Variants in LYZL1 observed in about 807,000 individuals in gnomAD.
LYZL1 encodes the protein lysozyme-like protein 1.
In LYZL1, 16 loss-of-function variants were observed where a neutral mutation model predicts 17.9. The observed-to-expected ratio is 0.90, with a 90% CI of 0.61 to 1.36. The LOEUF is 1.36. LYZL1 is among the 40% of genes most tolerant of loss of function. The probability of loss-of-function intolerance (pLI) is 0.00; values close to 1 mark genes in which losing one functional copy is unlikely to be tolerated. For synonymous variants in LYZL1, 58 were observed against 71.8 expected (o/e 0.81, Z 0.97); for missense variants, 149 against 188.4 (o/e 0.79, Z 1.22).
chr10:29,295,007 G>A (rs554085099), intron 3 of LYZL1, among the ~76,000 whole-genome samples: 10 of 152,322 alleles, frequency 6.6e-5, no homozygotes, highest in African/African-American at 2.4e-4. Context: ...AACCACTGCT[G>A]AGTGTAAATG....
At chr10:29,314,654 A>G (rs551468273), downstream of LYZL1, among the ~76,000 whole-genome samples, 1 of 152,306 alleles carries the variant, frequency 6.6e-6, no homozygotes, top group Admixed American at 6.5e-5. Context: ...GGTTTTTTGT[A>G]CCACTGGACA....
chr10:29,307,136 G>A (rs11007518), intron 3 of LYZL1, among the ~76,000 whole-genome samples: 46,078 of 151,948 alleles, frequency 0.3, 7,232 homozygotes, highest in South Asian at 0.43. Flanking sequence ...TTACAGACAT[G>A]AGCTACTGTG....
chr10:29,316,358 A>T (rs1835729598), intron 3 of LYZL1, among the ~76,000 whole-genome samples: 2 of 152,232 alleles, frequency 1.3e-5, no homozygotes, highest in African/African-American at 4.8e-5. Context: ...CTCCAGTAAC[A>T]GGAGAAAGAG....
downstream of LYZL1, among the ~76,000 whole-genome samples, chr10:29,312,123 G>T (rs1835680677): frequency 6.6e-6 from 1 of 152,202 alleles, no homozygotes; most frequent in Admixed American, 6.5e-5. Flanking sequence ...AACATAGCAA[G>T]ACCCTGTCTC....
intron 1 of LYZL1, among the ~76,000 whole-genome samples, chr10:29,290,368 G>C (rs1034207690): frequency 6.6e-6 from 1 of 152,194 alleles, no homozygotes; most frequent in Non-Finnish European, 1.5e-5. Context: ...TCCCATTTCA[G>C]ATGATTCCGC....
chr10:29,299,887 G>A (rs1401199598), intron 3 of LYZL1, among the ~76,000 whole-genome samples: 1 of 152,170 alleles, frequency 6.6e-6, no homozygotes, highest in Non-Finnish European at 1.5e-5. Flanking sequence ...GGTAATTACT[G>A]CTTTTCAGTA....
intron 3 of LYZL1, among the ~76,000 whole-genome samples, chr10:29,299,582 G>C (rs917817484): frequency 1.3e-5 from 2 of 152,024 alleles, no homozygotes; most frequent in African/African-American, 4.8e-5. Context: ...TTTCAGTCTT[G>C]TCCATTTTTG....
downstream of LYZL1, among the ~76,000 whole-genome samples, chr10:29,312,569 C>T (rs574852822): frequency 6.6e-6 from 1 of 152,302 alleles, no homozygotes; most frequent in Admixed American, 6.5e-5. Context: ...AAGTTGTTTT[C>T]AACCTTAGAC....
At chr10:29,314,928 T>G (rs191166298), downstream of LYZL1, among the ~76,000 whole-genome samples, 442 of 152,304 alleles carry the variant, frequency 2.9e-3, 2 homozygotes, top group Middle Eastern at 0.02. Context: ...CGTGTCCTAG[T>G]TCCTTTACGA....
chr10:29,305,530 C>T (rs185539270), intron 3 of LYZL1, among the ~76,000 whole-genome samples: 1 of 152,262 alleles, frequency 6.6e-6, no homozygotes, highest in Admixed American at 6.5e-5. Flanking sequence ...AGAGATTTAA[C>T]ATGTGCCTGA....
At chr10:29,303,890 G>A (rs1006436326) in intron 3 of LYZL1, among the ~76,000 whole-genome samples, 1 of 152,192 alleles carries the variant, frequency 6.6e-6, no homozygotes, top group Non-Finnish European at 1.5e-5. Flanking sequence ...GACGTTATAT[G>A]CATGTACAGC....
chr10:29,310,050 T>C (rs376154665), intron 3 of LYZL1, 60 bp from the exon 4 acceptor site: 6 of 1,224,328 alleles, frequency 4.9e-6, no homozygotes, highest in South Asian at 2.7e-5. Context: ...TAAAGTTGAG[T>C]TGAGGTCCCT....
chr10:29,298,552 A>C (rs1317584436), intron 3 of LYZL1, among the ~76,000 whole-genome samples: 1 of 152,190 alleles, frequency 6.6e-6, no homozygotes, highest in Non-Finnish European at 1.5e-5. Context: ...GGCAAAGATG[A>C]CATATTCAGC....
intron 3 of LYZL1, among the ~76,000 whole-genome samples, chr10:29,304,428 C>T (rs937828088): frequency 6.6e-6 from 1 of 152,010 alleles, no homozygotes; most frequent in Non-Finnish European, 1.5e-5. Context: ...AGATGAACAT[C>T]GAGGGTGTGT....
At chr10:29,313,177 A>T (rs180958043), downstream of LYZL1, among the ~76,000 whole-genome samples, 1 of 152,242 alleles carries the variant, frequency 6.6e-6, no homozygotes, top group Non-Finnish European at 1.5e-5. Flanking sequence ...TTTAACAGGC[A>T]TTATAAACCC....
rs143830917 is a variant in LYZL1 at position 29,316,405 on chromosome 10, T to C, written c.*-905T>C. 3.2e-3 allele frequency among the ~76,000 whole-genome samples: 485 copies of C among 152,204 alleles called. 3 individuals carry two copies. Among genetic ancestry groups the C allele is most frequent in the African/African-American group, 0.011 (445 of 41,518 alleles). ...CAAGGTCAGAAGCTAATGAAGAGAGTCTTGCTGGAGAGCAGGAGAGAGAAG... is the reference window on the plus strand; with the variant it reads ...CAAGGTCAGAAGCTAATGAAGAGAGCCTTGCTGGAGAGCAGGAGAGAGAAG... On this transcript the variant is annotated intron_variant and NMD_transcript_variant, in intron 3 of 4. Coordinates refer to the LYZL1 transcript ENST00000494304.
intron 1 of LYZL1, among the ~76,000 whole-genome samples, chr10:29,291,556 C>A (rs1353989039): frequency 1.3e-5 from 2 of 151,730 alleles, no homozygotes; most frequent in African/African-American, 4.8e-5. Flanking sequence ...TAAAAATGCC[C>A]CCTGTGGTTT....
At chr10:29,307,440 T>C (rs563727724) in intron 3 of LYZL1, among the ~76,000 whole-genome samples, 10 of 152,368 alleles carry the variant, frequency 6.6e-5, no homozygotes, top group African/African-American at 2.4e-4. Flanking sequence ...AATGTCAGCA[T>C]TTCCTTCTTT....
At chr10:29,290,027 T>G (rs937277028) in intron 1 of LYZL1, among the ~76,000 whole-genome samples, 1 of 152,196 alleles carries the variant, frequency 6.6e-6, no homozygotes, top group Non-Finnish European at 1.5e-5. Context: ...GTTCCTTACC[T>G]TATTGCTTAG....
Sources: allele counts gnomAD v4.1 joint callset (sites outside exome capture counted in the v4.1 genomes callset), GRCh38; gene constraint gnomAD v4.1.1; transcripts MANE v1.5; gene names NCBI Gene and HGNC (gene_info 2026-07-23, HGNC 2026-07-21).